Variants in CELF5 observed in about 807,000 individuals in gnomAD.
CELF5 encodes the protein CUG-BP and ETR-3 like factor 5.
Under a neutral mutation model 54.9 loss-of-function variants are expected in CELF5, and 6 were observed. That is an observed-to-expected ratio of 0.11 (90% CI 0.06 to 0.22). The LOEUF (loss-of-function observed/expected upper bound fraction) is 0.22, where lower values mean the gene tolerates loss of function less well. Ranked by LOEUF, CELF5 falls within the 10% of genes least tolerant of loss-of-function variation. The pLI, the probability that CELF5 is intolerant of heterozygous loss-of-function variation, is 1.00. For synonymous variants in CELF5, 271 were observed against 290.9 expected, an observed-to-expected ratio of 0.93 and a Z score of 0.70; for missense variants, 401 against 678.6, an observed-to-expected ratio of 0.59 and a Z score of 4.54.
At chr19:3,231,796 G>T (rs1917277635) in intron 1 of CELF5, among the ~76,000 whole-genome samples, 1 of 150,078 alleles carries the variant, frequency 6.7e-6, no homozygotes, top group Non-Finnish European at 1.5e-5. Flanking sequence ...GTGCATGGAT[G>T]GATGGATGGG....
intron 2 of CELF5, among the ~76,000 whole-genome samples, chr19:3,267,645 A>G (rs182125843): frequency 6.6e-6 from 1 of 152,262 alleles, no homozygotes; most frequent in Admixed American, 6.5e-5. Context: ...TTTCTTTACA[A>G]GAGTCTTGGG....
At position 3,282,638 on chromosome 19, in the gene CELF5, G is replaced by A. The variant is rs2145270238; in HGVS notation, c.1039+140G>A. On this transcript the variant is annotated intron_variant, in intron 8 of 12. Coordinates refer to ENST00000292672, the MANE Select transcript of CELF5 (RefSeq NM_021938.4). The surrounding 1 kb of genome is among the most constrained non-coding windows in gnomAD (Gnocchi z 5.2). ...AAGGGTGTCTCCGCTGAGCAGATAA[G>A]AGCTGTGGACACAGGAAGGGAGGCC... 1.0e-6 allele frequency: 1 copy of A among 960,406 alleles called. No individual in the cohort carries two copies. Among genetic ancestry groups the A allele is most frequent in the Non-Finnish European group, 1.5e-6 (1 of 657,666 alleles). 59.5% of individuals were successfully genotyped at this position (960,406 alleles called of 1,614,324 possible). A position where few individuals can be genotyped will look rare whatever the true frequency, so the allele number is the denominator to read the frequency against.
At chr19:3,254,338 C>G (rs1475295801) in intron 2 of CELF5, among the ~76,000 whole-genome samples, 2 of 151,964 alleles carry the variant, frequency 1.3e-5, no homozygotes, top group Non-Finnish European at 2.9e-5. Flanking sequence ...TGTCACCCAT[C>G]TACCTGCCTA....
At chr19:3,262,799 C>T (rs955410227) in intron 2 of CELF5, among the ~76,000 whole-genome samples, 3 of 151,782 alleles carry the variant, frequency 2.0e-5, no homozygotes, top group Admixed American at 6.6e-5. Context: ...ATTAGCCGGG[C>T]ATGGTGGCAC....
chr19:3,280,689 C>T (rs2145260024), intron 5 of CELF5, among the ~76,000 whole-genome samples: 1 of 152,312 alleles, frequency 6.6e-6, no homozygotes, highest in African/African-American at 2.4e-5. Flanking sequence ...GCTGGAGTCT[C>T]ACCTGTTCTC....
intron 10 of CELF5, 29 bp downstream of exon 10, chr19:3,286,054 C>T: frequency 1.3e-6 from 2 of 1,508,428 alleles, no homozygotes; most frequent in Middle Eastern, 2.3e-4. Flanking sequence ...CCCCTGGGCG[C>T]CAGCCCCGCC....
intron 8 of CELF5, 33 bp from the exon 9 acceptor site, chr19:3,284,860 TCTGCTGCTC>T (rs756476033): frequency 6.3e-7 from 1 of 1,588,482 alleles, no homozygotes; most frequent in Admixed American, 1.7e-5. Flanking sequence ...ATGGAAGACT[TCTGCTGCTC>T]CCGCCCCACT....
In CELF5 at chr19:3,281,380, T is replaced by A. The variant is rs752507644; in HGVS notation, c.750+35T>A. On this transcript the variant is annotated intron_variant, in intron 6 of 12. Transcript: ENST00000292672. The surrounding 1 kb of genome is among the most constrained non-coding windows in gnomAD (Gnocchi z 6.5). ...CCAGTGACAGCTTCGGGGCTCCGGCTCCGTCTCTCTCAGTCTCTGTCTACT... is the reference window on the plus strand; with the variant it reads ...CCAGTGACAGCTTCGGGGCTCCGGCACCGTCTCTCTCAGTCTCTGTCTACT... The A allele has an allele frequency of 1.9e-6, 3 of 1,577,300 alleles. No homozygotes were observed. The highest frequency in any genetic ancestry group is 2.7e-5 in the African/African-American group (2 of 74,654).
intron 1 of CELF5, among the ~76,000 whole-genome samples, chr19:3,243,037 T>G (rs1300808447): frequency 6.6e-6 from 1 of 152,146 alleles, no homozygotes; most frequent in Non-Finnish European, 1.5e-5. Context: ...GGCAAGCCAC[T>G]TCCCCTCTCT....
chr19:3,245,692 G>A lies in CELF5; in HGVS notation c.260-5293G>A, dbSNP rs540426572. ...AGGCCTTAGGGCTCGTTGTCTTAGT[G>A]TAGTTCTTTTGAAGAGCTTGGGGAA... On this transcript the variant is annotated intron_variant, in intron 1 of 12. Coordinates refer to ENST00000292672, the MANE Select transcript of CELF5 (RefSeq NM_021938.4). Among the ~76,000 whole-genome samples the A allele has an allele frequency of 3.9e-5, 6 of 152,172 alleles. No individual in the cohort carries two copies. The South Asian group carries it at 1.0e-3, about 26-fold the overall frequency.
intron 1 of CELF5, 32 bp downstream of exon 1, chr19:3,225,030 C>T (rs1311152813): frequency 6.0e-6 from 8 of 1,341,228 alleles, no homozygotes; most frequent in East Asian, 6.1e-5. Flanking sequence ...CCCTCTCCCC[C>T]TCCCTCCGCC....
chr19:3,224,829 G>C lies in CELF5; in HGVS notation c.90G>C (p.Glu30Asp), dbSNP rs1568323191. The change falls in exon 1 of 13, where the codon GAG becomes GAC. Residue 30 changes from glutamate (E) to aspartate (D), a missense_variant. Glu to Asp is a conservative substitution (Grantham distance 45). Transcript: ENST00000292672. ...CGCCCGTGGGCAGCAGCGGGCCCGA[G>C]CCCCCCGGGGGGCAGCCCGACGGCA... ...RPSPVGSSGP[E>D]PPGGQPDGMK... 1 of 1,580,634 alleles carries C rather than the reference G, an allele frequency of 6.3e-7. No homozygotes were observed. Among genetic ancestry groups the C allele is most frequent in the Admixed American group, 1.8e-5 (1 of 54,890 alleles).
intron 1 of CELF5, among the ~76,000 whole-genome samples, chr19:3,237,454 C>T (rs1236657476): frequency 6.6e-6 from 1 of 151,980 alleles, no homozygotes; most frequent in Non-Finnish European, 1.5e-5. Context: ...ATGAGTTTCC[C>T]GGGAAAGGGG....
chr19:3,259,409 C>G (rs1021117319), intron 2 of CELF5, among the ~76,000 whole-genome samples: 1 of 148,588 alleles, frequency 6.7e-6, no homozygotes, highest in African/African-American at 2.5e-5. Flanking sequence ...ACGGCCCCAC[C>G]CCAGAAAGCA....
chr19:3,292,678 G>A (rs1353465324), intron 11 of CELF5, among the ~76,000 whole-genome samples: 1 of 152,084 alleles, frequency 6.6e-6, no homozygotes, highest in Non-Finnish European at 1.5e-5. Context: ...GACAGAAGGA[G>A]AGGGAGAGGA....
chr19:3,276,037 G>T, intron 4 of CELF5, 53 bp downstream of exon 4: 2 of 1,416,116 alleles, frequency 1.4e-6, no homozygotes, highest in Non-Finnish European at 1.9e-6. Flanking sequence ...CTAGCTCTGG[G>T]GGCGGGGCCT....
At chr19:3,240,280 G>A (rs897432883) in intron 1 of CELF5, among the ~76,000 whole-genome samples, 4 of 151,888 alleles carry the variant, frequency 2.6e-5, no homozygotes, top group African/African-American at 7.3e-5. Flanking sequence ...GCCTCCCAAA[G>A]TGCTGGTATT....
At position 3,290,347 on chromosome 19, in the gene CELF5, C is replaced by T; in HGVS notation, c.1303C>T (p.Arg435Ter). 1 of 1,613,894 alleles carries T rather than the reference C, an allele frequency of 6.2e-7. No individual in the cohort carries two copies. Among genetic ancestry groups the T allele is most frequent in the Non-Finnish European group, 8.5e-7 (1 of 1,179,924 alleles). Residue 435 changes from arginine to a stop codon, truncating the protein, a stop_gained, in exon 11 of 13, where the codon CGA becomes TGA. Coordinates refer to ENST00000292672, the MANE Select transcript of CELF5 (RefSeq NM_021938.4). LOFTEE classifies it high-confidence loss of function. ...CATTTCCTCCAAGGTGTTTATGGAT[C>T]GAGCTACCAACCAGAGCAAGTGTTT... Reference protein sequence around the residue: ...NIISSKVFMDRATNQSKCFGF... With the variant: ...NIISSKVFMD
intron 1 of CELF5, among the ~76,000 whole-genome samples, chr19:3,225,982 C>T (rs963173207): frequency 7.9e-5 from 12 of 152,150 alleles, no homozygotes; most frequent in African/African-American, 2.7e-4. Context: ...GATGGCATCC[C>T]GGGTGGGGGT....
Sources: gnomAD v4.1 joint callset for allele counts (sites outside exome capture counted in the v4.1 genomes callset) on GRCh38, gnomAD v4.1.1 for gene constraint, Gnocchi (gnomAD v3.1) non-coding constraint, MANE v1.5 for transcripts, NCBI Gene and HGNC (gene_info 2026-07-23, HGNC 2026-07-21) for gene names.